PPEF1: variants seen among roughly 807,000 people sequenced by gnomAD.
The protein encoded by PPEF1 is protein phosphatase with EF-hand domain 1, also known as serine/threonine-protein phosphatase with EF-hands 1.
A neutral mutation model predicts 53.3 loss-of-function variants in PPEF1; 12 were observed. The ratio of observed to expected loss-of-function variants is 0.23; its 90% CI spans 0.14 to 0.36. PPEF1 has a LOEUF of 0.36. PPEF1 is among the 10% of genes least tolerant of loss of function. PPEF1 has a pLI of 1.00. For synonymous variants in PPEF1, 165 were observed against 176.7 expected, an observed-to-expected ratio of 0.93 and a Z score of 0.52; for missense variants, 334 against 490.4, an observed-to-expected ratio of 0.68 and a Z score of 3.01.
At chrX:18,809,543 TAAAATAC>T (rs1462527854) in intron 12 of PPEF1, among the ~76,000 whole-genome samples, 3 of 109,466 alleles carry the variant, frequency 2.7e-5, no homozygotes, top group African/African-American at 1.0e-4. Flanking sequence ...CATCTCTACA[TAAAATAC>T]AAAAATTAGC....
At chrX:18,749,765 C>T (rs763095182) in intron 3 of PPEF1, 27 bp from the exon 4 acceptor site, 2 of 288,885 alleles carry the variant, frequency 6.9e-6, no homozygotes, top group South Asian at 1.5e-4. Context: ...CCACCCCCAC[C>T]CCCCCGTTCT....
At position 18,749,926 on chromosome X, in the gene PPEF1, C is replaced by T; in HGVS notation, c.370C>T (p.Leu124Phe). Residue 124 changes from leucine (L) to phenylalanine (F), a missense_variant, in exon 4 of 16, where the codon CTT becomes TTT. Coordinates refer to ENST00000470157, the MANE Select transcript of PPEF1 (RefSeq NM_001377996.1). ...FPLTCTDIDL[L>F]LEAFKEQQIL... is the part of the protein sequence containing the mutation. Reference sequence around the variant, plus strand: ...TCTCACTTGTACGGATATTGATTTACTTCTTGAGGCCTTCAAGGAACAACA... The same window carrying T: ...TCTCACTTGTACGGATATTGATTTATTTCTTGAGGCCTTCAAGGAACAACA... 2 of 1,207,134 alleles carry T rather than the reference C, an allele frequency of 1.7e-6. No homozygotes were observed. Among genetic ancestry groups the T allele is most frequent in the Non-Finnish European group, 2.2e-6 (2 of 891,680 alleles).
At chrX:18,710,927 CGTAA>C (rs909002300) in intron 1 of PPEF1, among the ~76,000 whole-genome samples, 53 of 110,159 alleles carry the variant, frequency 4.8e-4, no homozygotes, top group African/African-American at 1.7e-3. Flanking sequence ...ATGGAATCAC[CGTAA>C]GTGTTTTTCA....
At chrX:18,795,078 G>A (rs950158843) in intron 10 of PPEF1, among the ~76,000 whole-genome samples, 5 of 111,638 alleles carry the variant, frequency 4.5e-5, no homozygotes, top group African/African-American at 1.6e-4. Flanking sequence ...GGGAGGCTGA[G>A]GTGGGCGGAT....
chrX:18,758,856 C>G (rs781569080), intron 5 of PPEF1, among the ~76,000 whole-genome samples: 4 of 111,525 alleles, frequency 3.6e-5, no homozygotes, highest in African/African-American at 1.3e-4. Flanking sequence ...CAGACTCATC[C>G]TTGCTAAAAG....
chrX:18,762,276 C>T (rs1316265764), intron 6 of PPEF1, among the ~76,000 whole-genome samples: 2 of 111,655 alleles, frequency 1.8e-5, no homozygotes, highest in Non-Finnish European at 3.8e-5. Flanking sequence ...AGCGGTTACC[C>T]CTTTACACTG....
intron 1 of PPEF1, among the ~76,000 whole-genome samples, chrX:18,714,784 C>T (rs935547334): frequency 2.7e-5 from 3 of 112,127 alleles, no homozygotes; most frequent in Non-Finnish European, 3.8e-5. Context: ...CTGTAACATA[C>T]GTTTGATCCT....
chrX:18,799,281 C>T (rs1242778258), intron 10 of PPEF1, among the ~76,000 whole-genome samples: 1 of 106,962 alleles, frequency 9.3e-6, no homozygotes, highest in African/African-American at 3.4e-5. Context: ...TGGCACGTAC[C>T]CGTAATCTCA....
rs1446327883 is a variant in PPEF1, at chrX:18,807,029, A to C, written c.1394+484A>C. On this transcript the variant is annotated intron_variant, in intron 12 of 15. Transcript: ENST00000470157. ...GTTTTTTTTTTGTTTGTTTTTTTTCATTTGTTTTTTGTTTTTTTGAGACGG... is the reference window on the plus strand; with the variant it reads ...GTTTTTTTTTTGTTTGTTTTTTTTCCTTTGTTTTTTGTTTTTTTGAGACGG... Among the ~76,000 whole-genome samples the C allele has an allele frequency of 4.7e-3, 361 of 76,638 alleles. 2 individuals carry two copies. Among genetic ancestry groups the C allele is most frequent in the African/African-American group, 0.019 (348 of 17,887 alleles). 66.6% of individuals were successfully genotyped at this position (76,638 alleles called of 115,157 possible).
chrX:18,766,065 C>CAAAAAAAA (rs61277288), intron 6 of PPEF1, among the ~76,000 whole-genome samples: 1 of 63,939 alleles, frequency 1.6e-5, no homozygotes, highest in East Asian at 6.5e-4. Flanking sequence ...AACTCTGTCT[C>CAAAAAAAA]AAAAAAAAAA....
intron 12 of PPEF1, among the ~76,000 whole-genome samples, chrX:18,814,796 G>T (rs1196852334): frequency 1.8e-5 from 2 of 111,799 alleles, no homozygotes; most frequent in Non-Finnish European, 3.8e-5. Context: ...TAGGTTGCCT[G>T]CTTACTCTGT....
chrX:18,760,568 G>A (rs1288574397), intron 5 of PPEF1, among the ~76,000 whole-genome samples: 2 of 110,649 alleles, frequency 1.8e-5, no homozygotes, highest in East Asian at 5.7e-4. Context: ...ATTACAGTGT[G>A]GGTGTACAGA....
intron 1 of PPEF1, among the ~76,000 whole-genome samples, chrX:18,708,059 G>A (rs946307928): frequency 3.6e-5 from 4 of 112,314 alleles, no homozygotes; most frequent in African/African-American, 6.5e-5. Context: ...AATTTCATTC[G>A]ATAATGTACC....
In PPEF1 at chrX:18,824,081, C is replaced by G; in HGVS notation, c.1660C>G (p.Gln554Glu). The change falls in exon 14 of 16, where the codon CAA (glutamine) becomes GAA (glutamate). Residue 554 changes from glutamine (Q) to glutamate (E), a missense_variant. Transcript: ENST00000470157. ...FQNIRIEKPVQEAHSTLVETL... is the reference protein window; with the variant it reads ...FQNIRIEKPVEEAHSTLVETL... ...GAATATCCGCATTGAAAAACCTGTA[C>G]AAGAGGCAAGTGAAACATAGCCCCA... 1 of 1,184,935 alleles carries G rather than the reference C, an allele frequency of 8.4e-7. No individual in the cohort carries two copies. Among genetic ancestry groups the G allele is most frequent in the South Asian group, 1.9e-5 (1 of 53,698 alleles).
intron 12 of PPEF1, among the ~76,000 whole-genome samples, chrX:18,816,428 A>C (rs1278662485): frequency 8.9e-6 from 1 of 112,080 alleles, no homozygotes; most frequent in African/African-American, 3.2e-5. Context: ...TTTTAAATCT[A>C]TTAAGGCTTA....
At chrX:18,730,359 C>T (rs2044808528) in intron 2 of PPEF1, 51 bp downstream of exon 2, 1 of 1,162,910 alleles carries the variant, frequency 8.6e-7, no homozygotes, top group Non-Finnish European at 1.2e-6. Context: ...TCTCTTTACC[C>T]CTTGTTATTG....
chrX:18,742,674 C>A (rs2045205788), intron 3 of PPEF1, among the ~76,000 whole-genome samples: 1 of 110,369 alleles, frequency 9.1e-6, no homozygotes, highest in African/African-American at 3.3e-5. Flanking sequence ...GCCTGGCCAA[C>A]CCCATCTCTA....
intron 9 of PPEF1, 119 bp from the exon 10 acceptor site, chrX:18,789,002 C>T (rs2046275299): frequency 9.2e-6 from 8 of 866,189 alleles, no homozygotes; most frequent in Admixed American, 2.9e-5. Flanking sequence ...AAAAAGTGAC[C>T]GTGTGTTTTT....
At chrX:18,677,067 C>G (rs1455900546) in intron 1 of PPEF1, among the ~76,000 whole-genome samples, 1 of 98,587 alleles carries the variant, frequency 1.0e-5, no homozygotes, top group Non-Finnish European at 2.0e-5. Context: ...AAGACGGAGT[C>G]TCGCTCTGTT....
Sources: allele counts gnomAD v4.1 joint callset (sites outside exome capture counted in the v4.1 genomes callset), GRCh38; gene constraint gnomAD v4.1.1; transcripts MANE v1.5; gene names NCBI Gene and HGNC (gene_info 2026-07-23, HGNC 2026-07-21).